KIF6: variants seen among roughly 807,000 people sequenced by gnomAD.
KIF6 encodes the protein kinesin family member 6, also known as kinesin-like protein KIF6.
In KIF6, 106 loss-of-function variants were observed where a neutral mutation model predicts 112.7. That is an observed-to-expected ratio of 0.94 (90% CI 0.80 to 1.11). The LOEUF is 1.11. Among genes scored for constraint, KIF6 ranks in the 50% least tolerant of loss-of-function variants. The probability of loss-of-function intolerance (pLI) is 0.00; values close to 1 mark genes in which losing one functional copy is unlikely to be tolerated. For synonymous variants in KIF6, 339 were observed against 339.9 expected (o/e 1.00, Z 0.03); for missense variants, 929 against 964.0 (o/e 0.96, Z 0.48).
At chr6:39,648,137 C>T (rs1232681613) in intron 3 of KIF6, among the ~76,000 whole-genome samples, 1 of 149,138 alleles carries the variant, frequency 6.7e-6, no homozygotes, top group Non-Finnish European at 1.5e-5. Context: ...GATTCTCCTG[C>T]CTCAGCCTCC....
At chr6:39,441,332 T>C (rs1394394498) in intron 13 of KIF6, among the ~76,000 whole-genome samples, 1 of 152,214 alleles carries the variant, frequency 6.6e-6, no homozygotes, top group Non-Finnish European at 1.5e-5. Flanking sequence ...AAATGACAAC[T>C]GCCATTTGAT....
At chr6:39,658,921 A>C (rs79396130) in intron 3 of KIF6, among the ~76,000 whole-genome samples, 3,023 of 152,300 alleles carry the variant, frequency 0.02, 97 homozygotes, top group African/African-American at 0.069. Context: ...ACTTTGGGCT[A>C]GAAGGACCAG....
chr6:39,561,007 GTC>G (rs1779979097), intron 10 of KIF6, among the ~76,000 whole-genome samples: 1 of 152,238 alleles, frequency 6.6e-6, no homozygotes, highest in South Asian at 2.1e-4. Context: ...GCAGTAGGAA[GTC>G]TCTGCATTAT....
At chr6:39,498,573 C>T (rs2150487764) in intron 13 of KIF6, among the ~76,000 whole-genome samples, 1 of 152,216 alleles carries the variant, frequency 6.6e-6, no homozygotes, top group Admixed American at 6.5e-5. Context: ...GTTGCATCTA[C>T]TCCATCTATT....
intron 3 of KIF6, among the ~76,000 whole-genome samples, chr6:39,665,175 T>C (rs115521430): frequency 0.012 from 1,784 of 152,248 alleles, 39 homozygotes; most frequent in African/African-American, 0.039. Context: ...TAAGACGAAA[T>C]TGATGGAAAA....
intron 5 of KIF6, among the ~76,000 whole-genome samples, chr6:39,630,159 T>C (rs1784284519): frequency 6.6e-6 from 1 of 152,102 alleles, no homozygotes; most frequent in Non-Finnish European, 1.5e-5. Context: ...GTGTTGGCTA[T>C]TATGGCTATT....
At chr6:39,660,320 G>C (rs371140109) in intron 3 of KIF6, among the ~76,000 whole-genome samples, 2 of 152,154 alleles carry the variant, frequency 1.3e-5, no homozygotes. Flanking sequence ...TGCTGTCACA[G>C]TTCATACGGA....
intron 13 of KIF6, among the ~76,000 whole-genome samples, chr6:39,522,822 T>TG (rs1163119874): frequency 6.6e-6 from 1 of 152,188 alleles, no homozygotes; most frequent in Non-Finnish European, 1.5e-5. Flanking sequence ...CTGCCAATAC[T>TG]GGGGCTCCTT....
At chr6:39,422,793 C>G (rs2150368425) in intron 14 of KIF6, among the ~76,000 whole-genome samples, 1 of 152,294 alleles carries the variant, frequency 6.6e-6, no homozygotes, top group East Asian at 1.9e-4. Context: ...TCCTCCTGCC[C>G]CTCCGTCTGA....
chr6:39,349,523 G>C (rs552622313), intron 19 of KIF6, among the ~76,000 whole-genome samples: 6 of 152,076 alleles, frequency 3.9e-5, no homozygotes, highest in African/African-American at 9.6e-5. Flanking sequence ...TGGGAGAAGA[G>C]GCGAGTGGAG....
At chr6:39,634,711 T>C (rs1424177183) in intron 5 of KIF6, 138 bp downstream of exon 5, 1 of 667,828 alleles carries the variant, frequency 1.5e-6, no homozygotes, top group African/African-American at 1.8e-5. Context: ...AAAAAATCCA[T>C]TATATTACAA....
At chr6:39,713,040 G>T (rs890104588) in intron 3 of KIF6, among the ~76,000 whole-genome samples, 1 of 152,152 alleles carries the variant, frequency 6.6e-6, no homozygotes, top group East Asian at 1.9e-4. Context: ...TTTAAATAAG[G>T]TACTGCAGGA....
chr6:39,634,665 G>A (rs1784529092), intron 5 of KIF6, among the ~76,000 whole-genome samples, 184 bp downstream of exon 5: 1 of 151,906 alleles, frequency 6.6e-6, no homozygotes, highest in South Asian at 2.1e-4. Context: ...GGCAATTTTA[G>A]TTCCCATCAC....
chr6:39,521,470 T>C (rs1421202813), intron 13 of KIF6, among the ~76,000 whole-genome samples: 1 of 152,156 alleles, frequency 6.6e-6, no homozygotes, highest in Non-Finnish European at 1.5e-5. Flanking sequence ...GTTGCTACTG[T>C]TTCAGGAACG....
intron 6 of KIF6, among the ~76,000 whole-genome samples, chr6:39,600,178 G>C (rs1383073661): frequency 6.6e-6 from 1 of 152,136 alleles, no homozygotes; most frequent in African/African-American, 2.4e-5. Context: ...AAATGTTTCT[G>C]AAACTGCCTA....
intron 13 of KIF6, among the ~76,000 whole-genome samples, chr6:39,501,861 G>A (rs1432522124): frequency 1.3e-5 from 2 of 152,154 alleles, no homozygotes; most frequent in Non-Finnish European, 2.9e-5. Context: ...GTGCCTGATT[G>A]ATATACCTAA....
chr6:39,609,943 T>A lies in KIF6; in HGVS notation c.639+3246A>T, dbSNP rs546458662. Among the ~76,000 whole-genome samples, 463 of 152,320 alleles carry A rather than the reference T, an allele frequency of 3.0e-3. 3 individuals are homozygous for A. Among genetic ancestry groups the A allele is most frequent in the African/African-American group, 0.01 (436 of 41,568 alleles). On this transcript the variant is annotated intron_variant, in intron 6 of 22. Transcript: ENST00000287152. ...GCATCATTTAATTATCACAGGGTAT[T>A]CTAACACAGGTTTTCCTAGGACCAT...
Position 39,342,615 on chromosome 6 carries a change from T to A in KIF6, c.2428+1094A>T, listed in dbSNP as rs138952750. Among the ~76,000 whole-genome samples, 630 of 132,218 alleles carry A rather than the reference T, an allele frequency of 4.8e-3. 41 individuals carry two copies. In the East Asian group the frequency reaches 0.1, roughly 22 times the overall value. 86.7% of individuals were successfully genotyped at this position (132,218 alleles called of 152,430 possible). A position where few individuals can be genotyped will look rare whatever the true frequency, so the allele number is the denominator to read the frequency against. On this transcript the variant is annotated intron_variant, in intron 22 of 22. Transcript: ENST00000287152. This position sits in a 1 kb window ranked among gnomAD's most constrained non-coding sequence, Gnocchi z 4.7. ...TCCAGTTTTTTATTTTTTTTTATTT[T>A]TTTTTATTTTTTTTTATTTTTAGAC...
intron 3 of KIF6, among the ~76,000 whole-genome samples, chr6:39,646,565 T>C (rs1172093250): frequency 2.0e-5 from 3 of 152,194 alleles, no homozygotes; most frequent in Non-Finnish European, 1.5e-5. Flanking sequence ...ATAGTTAAGT[T>C]TAACAGTTTA....
Sources: allele counts gnomAD v4.1 joint callset (sites outside exome capture counted in the v4.1 genomes callset), GRCh38; gene constraint gnomAD v4.1.1; non-coding constraint Gnocchi (gnomAD v3.1); transcripts MANE v1.5; gene names NCBI Gene and HGNC (gene_info 2026-07-23, HGNC 2026-07-21).